The following APAF1 variants were observed in gnomAD, a reference collection of about 807,000 sequenced individuals.
APAF1 encodes apoptotic protease-activating factor 1.
A neutral mutation model predicts 152.4 loss-of-function variants in APAF1; 91 were observed. That is an observed-to-expected ratio of 0.60 (90% confidence interval 0.50 to 0.71). APAF1 has a LOEUF of 0.71. Among genes scored for constraint, APAF1 ranks in the 30% least tolerant of loss-of-function variants. APAF1 has a pLI of 0.00. For synonymous variants in APAF1, 484 were observed against 494.1 expected, an observed-to-expected ratio of 0.98 and a Z score of 0.27; for missense variants, 1,283 against 1,472.0, an observed-to-expected ratio of 0.87 and a Z score of 2.10.
At chr12:98,703,263 G>T in intron 17 of APAF1, 108 bp from the exon 18 acceptor site, 1 of 1,217,570 alleles carries the variant, frequency 8.2e-7, no homozygotes, top group Non-Finnish European at 1.2e-6. Flanking sequence ...CCAGTTATCA[G>T]TAATTGTCAT....
chr12:98,735,151 A>G lies in APAF1; in HGVS notation c.*2585A>G, dbSNP rs1221105014. ...AGATACCTAGTATGATGGAGCTGCA[A>G]ATTTCATGGCAGTTCATGCAGTCGG... On this transcript the variant is annotated 3_prime_UTR_variant, in exon 27 of 27. Transcript: ENST00000551964. 3 of 398,700 alleles carry G rather than the reference A, an allele frequency of 7.5e-6. No individual in the cohort carries two copies. The highest frequency in any genetic ancestry group is 1.3e-4 in the South Asian group (1 of 7,872). The allele number at this position is 398,700 out of a possible 1,614,324, so 24.7% of individuals were successfully genotyped here.
chr12:98,685,594 A>G lies in APAF1; in HGVS notation c.2179-1154A>G, dbSNP rs367796414. On this transcript the variant is annotated intron_variant, in intron 15 of 26. Transcript: ENST00000551964. Reference sequence around the variant, plus strand: ...TTGTGATCGCCTGCCTCAGCCTCCCAAAGTGCTAGGATTACAGGTGTGAGC... The same window carrying G: ...TTGTGATCGCCTGCCTCAGCCTCCCGAAGTGCTAGGATTACAGGTGTGAGC... Among the ~76,000 whole-genome samples the G allele has an allele frequency of 5.3e-5, 8 of 152,092 alleles. 1 individual carries two copies. The highest frequency in any genetic ancestry group is 1.9e-4 in the East Asian group (1 of 5,178).
Position 98,648,816 on chromosome 12 carries a change from G to T in APAF1, c.328+1G>T, listed in dbSNP as rs1487517063. ...TCAGTTAGTGGAATAACTTCGTATG[G>T]TTTGTATCCATTATACCTTCTATCA... is the stretch of plus-strand genomic sequence containing the variant. On this transcript the variant is annotated splice_donor_variant, in intron 3 of 26. Transcript: ENST00000551964. LOFTEE classifies it high-confidence loss of function. The T allele has an allele frequency of 1.9e-6, 3 of 1,613,094 alleles. No homozygotes were observed. Among genetic ancestry groups the T allele is most frequent in the African/African-American group, 2.7e-5 (2 of 74,994 alleles).
chr12:98,696,405 A>G (rs2097709931), intron 16 of APAF1, among the ~76,000 whole-genome samples: 1 of 152,208 alleles, frequency 6.6e-6, no homozygotes, highest in African/African-American at 2.4e-5. Flanking sequence ...CCCAGTGGGA[A>G]GGCATTAGAA....
At chr12:98,664,465 G>A (rs2097669681) in intron 7 of APAF1, among the ~76,000 whole-genome samples, 1 of 151,964 alleles carries the variant, frequency 6.6e-6, no homozygotes, top group Non-Finnish European at 1.5e-5. Context: ...TTAGCATCAT[G>A]AGAGTATTGC....
intron 11 of APAF1, 44 bp downstream of exon 11, chr12:98,671,130 AT>A (rs199621981): frequency 5.9e-4 from 682 of 1,154,886 alleles, no homozygotes; most frequent in Non-Finnish European, 7.2e-4. Context: ...AAGGAATCTC[AT>A]TTTTTTTTAC....
At chr12:98,698,693 C>T (rs913022909) in intron 16 of APAF1, among the ~76,000 whole-genome samples, 3 of 152,274 alleles carry the variant, frequency 2.0e-5, no homozygotes, top group African/African-American at 2.4e-5. Flanking sequence ...CATCCTTCTC[C>T]GTGGCCAACC....
intron 16 of APAF1, among the ~76,000 whole-genome samples, chr12:98,688,162 T>TA (rs1427464307): frequency 6.6e-6 from 1 of 152,164 alleles, no homozygotes; most frequent in African/African-American, 2.4e-5. Flanking sequence ...TTTATAGGCC[T>TA]AAAAAAATGA....
At chr12:98,665,999 T>A (rs1217242072) in intron 8 of APAF1, among the ~76,000 whole-genome samples, 191 bp from the exon 9 acceptor site, 1 of 152,220 alleles carries the variant, frequency 6.6e-6, no homozygotes, top group African/African-American at 2.4e-5. Flanking sequence ...GTGGTTCTAG[T>A]GCAGCTGAAG....
In APAF1 at chr12:98,667,653, A is replaced by G; in HGVS notation, c.1494+9A>G. The stretch of plus-strand genomic sequence containing the variant: ...GTGCCAAGATGCACAAGGTAAGATG[A>G]CCCATTTAAAAATTCTTTTATCTGA... On this transcript the variant is annotated intron_variant, in intron 10 of 26. Coordinates refer to ENST00000551964, the MANE Select transcript of APAF1 (RefSeq NM_181861.2). 6.2e-7 allele frequency: 1 copy of G among 1,612,584 alleles called. No individual in the cohort carries two copies. The highest frequency in any genetic ancestry group is 8.5e-7 in the Non-Finnish European group (1 of 1,179,896).
At chr12:98,723,166 T>C (rs2097745460) in intron 22 of APAF1, 27 bp from the exon 23 acceptor site, 1 of 1,610,526 alleles carries the variant, frequency 6.2e-7, no homozygotes, top group African/African-American at 1.3e-5. Context: ...GGGAGGATTA[T>C]AACAGACTTA....
At chr12:98,684,500 C>T (rs2097695898) in intron 15 of APAF1, among the ~76,000 whole-genome samples, 1 of 147,810 alleles carries the variant, frequency 6.8e-6, no homozygotes, top group Non-Finnish European at 1.5e-5. Flanking sequence ...CTCCCTCCTC[C>T]TCCCCCCACC....
At chr12:98,686,462 C>T (rs185098033) in intron 15 of APAF1, among the ~76,000 whole-genome samples, 12 of 152,272 alleles carry the variant, frequency 7.9e-5, no homozygotes, top group African/African-American at 2.9e-4. Context: ...TAAACCACTC[C>T]GTTGAAATAA....
chr12:98,655,985 G>A lies in APAF1; in HGVS notation c.527-3175G>A, dbSNP rs191217501. On this transcript the variant is annotated intron_variant, in intron 4 of 26. Transcript: ENST00000551964. ...TTTTTAGTAGAAACGGGGTTTCACC[G>A]TGTTAGCCAGGATGGTTTCGATCTC... Among the ~76,000 whole-genome samples, 291 of 152,102 alleles carry A rather than the reference G, an allele frequency of 1.9e-3. 2 individuals carry two copies. Among genetic ancestry groups the A allele is most frequent in the African/African-American group, 6.1e-3 (253 of 41,532 alleles).
Position 98,703,944 on chromosome 12 carries a change from A to G in APAF1, c.2595+445A>G, listed in dbSNP as rs111387764. Reference sequence around the variant, plus strand: ...AGGATAAGATAGGATGTTCATTGCCAGGCACTAATGAATAAAATAACTCAT... The same window carrying G: ...AGGATAAGATAGGATGTTCATTGCCGGGCACTAATGAATAAAATAACTCAT... On this transcript the variant is annotated intron_variant, in intron 18 of 26. Transcript: ENST00000551964. Among the ~76,000 whole-genome samples, 113 of 152,362 alleles carry G rather than the reference A, an allele frequency of 7.4e-4. 1 individual carries two copies. Among genetic ancestry groups the G allele is most frequent in the African/African-American group, 2.5e-3 (106 of 41,580 alleles).
rs773038605 is a variant in APAF1, at chr12:98,680,293, C to T, written c.1937C>T (p.Thr646Ile). ...CTTGTGCAGGTGTTCAAAGCTGAAA[C>T]AGGAGAGAAACTTCTAGAAATCAAG... is the stretch of plus-strand genomic sequence containing the variant. ...DKTLQVFKAE[T>I]GEKLLEIKAH... Residue 646 changes from threonine (T) to isoleucine (I), a missense_variant, in exon 14 of 27, where the codon ACA becomes ATA. Thr to Ile is a moderately conservative substitution (Grantham distance 89, BLOSUM62 -1). Transcript: ENST00000551964. 1 of 1,608,120 alleles carries T rather than the reference C, an allele frequency of 6.2e-7. No individual in the cohort carries two copies. The highest frequency in any genetic ancestry group is 8.5e-7 in the Non-Finnish European group (1 of 1,176,714).
intron 19 of APAF1, among the ~76,000 whole-genome samples, chr12:98,707,727 A>G (rs187996744): frequency 1.4e-5 from 2 of 138,128 alleles, no homozygotes; most frequent in African/African-American, 4.9e-5. Flanking sequence ...TAAATTTACT[A>G]ATTCTCACAA....
intron 12 of APAF1, among the ~76,000 whole-genome samples, chr12:98,673,478 G>C (rs191974277): frequency 1.3e-5 from 2 of 150,640 alleles, no homozygotes; most frequent in African/African-American, 4.9e-5. Flanking sequence ...CCTTGGGTCT[G>C]CCTGGCTTTA....
At chr12:98,722,939 G>A (rs771437713) in intron 22 of APAF1, among the ~76,000 whole-genome samples, 2 of 151,604 alleles carry the variant, frequency 1.3e-5, no homozygotes, top group Non-Finnish European at 2.9e-5. Context: ...ATAATTAACT[G>A]TTCTCCAAGC....
Sources: allele counts gnomAD v4.1 joint callset (sites outside exome capture counted in the v4.1 genomes callset), GRCh38; gene constraint gnomAD v4.1.1; transcripts MANE v1.5; gene names NCBI Gene and HGNC (gene_info 2026-07-23, HGNC 2026-07-21).